ADK: variants seen among roughly 807,000 people sequenced by gnomAD.
ADK encodes N6,N6-dimethyladenosine kinase.
A neutral mutation model predicts 44.7 loss-of-function variants in ADK; 24 were observed. That is an observed-to-expected ratio of 0.54 (90% CI 0.39 to 0.76). The LOEUF is 0.76. ADK is among the 30% of genes least tolerant of loss of function. The pLI is 0.00. For synonymous variants in ADK, 128 were observed against 142.6 expected, an observed-to-expected ratio of 0.90 and a Z score of 0.73; for missense variants, 321 against 425.1, an observed-to-expected ratio of 0.76 and a Z score of 2.15.
chr10:74,587,929 G>A (rs1040771245), intron 7 of ADK, among the ~76,000 whole-genome samples: 13 of 152,084 alleles, frequency 8.5e-5, no homozygotes, highest in Admixed American at 8.5e-4. Context: ...TCATTAGATT[G>A]TGTCCTTAAG....
chr10:74,302,127 T>G (rs867355868), intron 3 of ADK, among the ~76,000 whole-genome samples: 5,664 of 99,548 alleles, frequency 0.057, 876 homozygotes, highest in Middle Eastern at 0.069. Flanking sequence ...TTTTTTTTTT[T>G]TTTTTTTTTT....
chr10:74,394,041 C>T (rs1212080499), intron 4 of ADK, 100 bp from the exon 5 acceptor site: 12 of 1,225,666 alleles, frequency 9.8e-6, no homozygotes, highest in Admixed American at 1.7e-5. Context: ...GCTACAGTTT[C>T]TCACAAAGCA....
chr10:74,536,042 T>C (rs1327077482), intron 7 of ADK, among the ~76,000 whole-genome samples: 9 of 152,170 alleles, frequency 5.9e-5, no homozygotes, highest in African/African-American at 1.9e-4. Context: ...TTGAGGGGAT[T>C]TGCATAGAAA....
At chr10:74,671,538 T>C (rs1165460342) in intron 10 of ADK, among the ~76,000 whole-genome samples, 1 of 152,242 alleles carries the variant, frequency 6.6e-6, no homozygotes, top group African/African-American at 2.4e-5. Context: ...ATTTCCTTGC[T>C]CGGAAAGTCT....
At chr10:74,196,226 C>T (rs1239473479) in intron 1 of ADK, among the ~76,000 whole-genome samples, 2 of 152,024 alleles carry the variant, frequency 1.3e-5, no homozygotes, top group Non-Finnish European at 2.9e-5. Flanking sequence ...ATGTTGCATA[C>T]GTTCTCCCTT....
In ADK at chr10:74,487,944, T is replaced by A. The variant is rs995217471; in HGVS notation, c.556-37312T>A. On this transcript the variant is annotated intron_variant, in intron 6 of 10. Transcript: ENST00000539909. Reference sequence around the variant, plus strand: ...TATTTAATCTTTTAAGAAGGAGACATAATCCACCCTCACCAAGTGATTCAG... The same window carrying A: ...TATTTAATCTTTTAAGAAGGAGACAAAATCCACCCTCACCAAGTGATTCAG... Among the ~76,000 whole-genome samples, 7 of 152,046 alleles carry A rather than the reference T, an allele frequency of 4.6e-5. 1 individual carries two copies. The highest frequency in any genetic ancestry group is 8.8e-5 in the Non-Finnish European group (6 of 67,920).
intron 9 of ADK, among the ~76,000 whole-genome samples, chr10:74,664,364 G>C (rs1854870562): frequency 6.6e-6 from 1 of 152,146 alleles, no homozygotes; most frequent in African/African-American, 2.4e-5. Flanking sequence ...AAAAATTCTA[G>C]AAGGATATAT....
chr10:74,151,882 G>A (rs887912137), intron 1 of ADK, among the ~76,000 whole-genome samples: 4 of 152,232 alleles, frequency 2.6e-5, no homozygotes, highest in African/African-American at 9.6e-5. Flanking sequence ...TGCAGGGGCA[G>A]CATTTGGATG....
At chr10:74,452,702 G>T (rs1156889574) in intron 6 of ADK, among the ~76,000 whole-genome samples, 2 of 151,804 alleles carry the variant, frequency 1.3e-5, no homozygotes, top group Non-Finnish European at 2.9e-5. Context: ...GTTAATTGTG[G>T]GTGAACATTT....
intron 3 of ADK, among the ~76,000 whole-genome samples, chr10:74,257,856 C>T (rs976630022): frequency 2.6e-5 from 4 of 152,120 alleles, no homozygotes; most frequent in African/African-American, 9.7e-5. Context: ...GAATTATTCA[C>T]TGCAAACTTA....
At chr10:74,405,332 T>A (rs1843879932) in intron 6 of ADK, among the ~76,000 whole-genome samples, 1 of 151,202 alleles carries the variant, frequency 6.6e-6, no homozygotes, top group Non-Finnish European at 1.5e-5. Flanking sequence ...CATTACCACC[T>A]GAGCTCCACC....
intron 6 of ADK, among the ~76,000 whole-genome samples, chr10:74,459,885 A>G (rs1315801896): frequency 3.3e-5 from 5 of 152,030 alleles, no homozygotes; most frequent in Non-Finnish European, 7.4e-5. Flanking sequence ...CTGTCTCCCA[A>G]TGAGTTAAAA....
intron 3 of ADK, among the ~76,000 whole-genome samples, chr10:74,277,522 A>G (rs973506588): frequency 3.1e-4 from 47 of 151,836 alleles, no homozygotes; most frequent in African/African-American, 8.9e-4. Flanking sequence ...TCAGCCTCCC[A>G]AGTAGCTGGG....
intron 4 of ADK, chr10:74,344,912 A>G (rs1275790631): frequency 6.4e-6 from 1 of 156,118 alleles, no homozygotes. Context: ...GTGAGACGTG[A>G]TTTCTTACCT....
intron 3 of ADK, among the ~76,000 whole-genome samples, chr10:74,262,993 C>T (rs1055532487): frequency 2.6e-5 from 4 of 152,112 alleles, no homozygotes; most frequent in African/African-American, 7.2e-5. Flanking sequence ...AAAACATAAA[C>T]ATTTACTAAA....
At chr10:74,491,499 A>G (rs1482220785) in intron 6 of ADK, among the ~76,000 whole-genome samples, 1 of 152,096 alleles carries the variant, frequency 6.6e-6, no homozygotes, top group Non-Finnish European at 1.5e-5. Context: ...AATTACTAAG[A>G]TTTTGCCACA....
chr10:74,297,466 G>A (rs958007912), intron 3 of ADK, among the ~76,000 whole-genome samples: 2 of 152,176 alleles, frequency 1.3e-5, no homozygotes, highest in African/African-American at 4.8e-5. Flanking sequence ...TTGTTTTCCA[G>A]TTTCAGAACC....
In ADK at chr10:74,379,063, G is replaced by A. The variant is rs374923074; in HGVS notation, c.274-15078G>A. On this transcript the variant is annotated intron_variant, in intron 4 of 10. Coordinates refer to ENST00000539909, the MANE Select transcript of ADK (RefSeq NM_006721.4). ...AATGAGAGGTAAAGGGAAGTGGCTT[G>A]AACCTGTAGGGCCTCATAGACTATT... 2.7e-4 allele frequency among the ~76,000 whole-genome samples: 41 copies of A among 152,288 alleles called. No homozygotes were observed. In the South Asian group the frequency reaches 8.3e-3, roughly 31 times the overall value.
intron 1 of ADK, among the ~76,000 whole-genome samples, chr10:74,165,774 A>G (rs11000905): frequency 0.13 from 19,153 of 152,158 alleles, 1,212 homozygotes; most frequent in Middle Eastern, 0.2. Context: ...TTCTGTGGCA[A>G]TTGTCAATTG....
Sources: allele counts gnomAD v4.1 joint callset (sites outside exome capture counted in the v4.1 genomes callset), GRCh38; gene constraint gnomAD v4.1.1; transcripts MANE v1.5; gene names NCBI Gene and HGNC (gene_info 2026-07-23, HGNC 2026-07-21).